The following FLI1 variants were observed in gnomAD, a reference collection of about 807,000 sequenced individuals.
FLI1 encodes the protein Friend leukemia integration 1 transcription factor.
A neutral mutation model predicts 53.1 loss-of-function variants in FLI1; 13 were observed. That is an observed-to-expected ratio of 0.24 (90% CI 0.16 to 0.39). The LOEUF is 0.39. Among genes scored for constraint, FLI1 ranks in the 10% least tolerant of loss-of-function variants. FLI1 has a pLI of 1.00. For missense variants in FLI1, 424 were observed against 600.5 expected, an observed-to-expected ratio of 0.71 and a Z score of 3.07; for synonymous variants, 244 against 236.7, an observed-to-expected ratio of 1.03 and a Z score of -0.28.
chr11:128,811,158 T>C lies in FLI1; in HGVS notation c.*170T>C. ...TTAAAAACATTTTTTTTAATGTTGG[T>C]AACTTTTGCTTCCTCTACCTGAACA... is the stretch of plus-strand genomic sequence containing the variant. On this transcript the variant is annotated 3_prime_UTR_variant, in exon 9 of 9. Transcript: ENST00000527786. 1 of 644,394 alleles carries C rather than the reference T, an allele frequency of 1.6e-6. No individual in the cohort carries two copies. Among genetic ancestry groups the C allele is most frequent in the Non-Finnish European group, 2.6e-6 (1 of 378,862 alleles). 39.9% of individuals were successfully genotyped at this position (644,394 alleles called of 1,614,324 possible).
chr11:128,758,439 C>T, intron 2 of FLI1, 113 bp downstream of exon 2: 1 of 826,906 alleles, frequency 1.2e-6, no homozygotes, highest in Non-Finnish European at 2.0e-6. Context: ...TAGAGCTGGG[C>T]CAGGAAGCCT....
At chr11:128,713,580 G>C (rs1480092720) in intron 1 of FLI1, among the ~76,000 whole-genome samples, 1 of 151,284 alleles carries the variant, frequency 6.6e-6, no homozygotes, top group Non-Finnish European at 1.5e-5. Flanking sequence ...AAGCAGACAG[G>C]TATAGTTCCT....
At chr11:128,752,430 G>A (rs1041384629) in intron 1 of FLI1, among the ~76,000 whole-genome samples, 24 of 152,192 alleles carry the variant, frequency 1.6e-4, no homozygotes, top group African/African-American at 5.5e-4. Flanking sequence ...CTTGGAAATT[G>A]TACTAGATGC....
At chr11:128,791,000 G>A (rs1942254190) in intron 5 of FLI1, among the ~76,000 whole-genome samples, 1 of 151,918 alleles carries the variant, frequency 6.6e-6, no homozygotes, top group Non-Finnish European at 1.5e-5. Flanking sequence ...CCTGGGAACA[G>A]GGCCATCCTG....
chr11:128,768,613 G>A lies in FLI1; in HGVS notation c.385+341G>A, dbSNP rs565271062. 1.6e-4 allele frequency: 40 copies of A among 246,098 alleles called. No homozygotes were observed. In the East Asian group the frequency reaches 2.8e-3, roughly 17 times the overall value. The allele number at this position is 246,098 out of a possible 1,614,324, so 15.2% of individuals were successfully genotyped here. A position where few individuals can be genotyped will look rare whatever the true frequency, so the allele number is the denominator to read the frequency against. Reference sequence around the variant, plus strand: ...CTGAAGCAGGAGACTCGCTTTAACCGGGAAGGCGGAGGTTGCAGGGAGCCA... The same window carrying A: ...CTGAAGCAGGAGACTCGCTTTAACCAGGAAGGCGGAGGTTGCAGGGAGCCA... On this transcript the variant is annotated intron_variant, in intron 3 of 8. Coordinates refer to ENST00000527786, the MANE Select transcript of FLI1 (RefSeq NM_002017.5).
At chr11:128,720,488 C>T (rs1939206948) in intron 1 of FLI1, among the ~76,000 whole-genome samples, 1 of 152,096 alleles carries the variant, frequency 6.6e-6, no homozygotes, top group Admixed American at 6.5e-5. Flanking sequence ...GTCATAAAAC[C>T]AGAAACACTG....
At chr11:128,689,407 T>C (rs1937650334), upstream of FLI1, among the ~76,000 whole-genome samples, 1 of 152,142 alleles carries the variant, frequency 6.6e-6, no homozygotes, top group Admixed American at 6.5e-5. Context: ...TCTCCTTGTG[T>C]ACCCCCCAGG....
At chr11:128,764,704 C>T (rs984791855) in intron 2 of FLI1, 12 of 1,549,268 alleles carry the variant, frequency 7.7e-6, no homozygotes, top group Admixed American at 1.9e-5. Flanking sequence ...CACCTGTACC[C>T]ACCCTGAGCG....
chr11:128,694,977 C>A (rs951796223), intron 1 of FLI1, among the ~76,000 whole-genome samples: 14 of 152,264 alleles, frequency 9.2e-5, no homozygotes, highest in African/African-American at 2.6e-4. Context: ...TTCCCCAGCC[C>A]CCGTCCGCAC....
intron 1 of FLI1, among the ~76,000 whole-genome samples, chr11:128,737,156 C>G (rs940030053): frequency 2.6e-5 from 4 of 152,114 alleles, no homozygotes; most frequent in Non-Finnish European, 5.9e-5. Flanking sequence ...ATCCAGCTAG[C>G]TACATGGAAG....
intron 2 of FLI1, among the ~76,000 whole-genome samples, chr11:128,764,206 A>G (rs1941241778): frequency 6.6e-6 from 1 of 152,134 alleles, no homozygotes; most frequent in South Asian, 2.1e-4. Flanking sequence ...AGTCTTTGAA[A>G]TCTCCCTTCA....
chr11:128,764,726 G>T, intron 2 of FLI1: 1 of 1,567,450 alleles, frequency 6.4e-7, no homozygotes, highest in East Asian at 2.3e-5. Context: ...CAGCCGTGGA[G>T]CCCCATGGCC....
At chr11:128,781,684 T>C (rs1941919808) in intron 4 of FLI1, among the ~76,000 whole-genome samples, 1 of 152,194 alleles carries the variant, frequency 6.6e-6, no homozygotes, top group Admixed American at 6.5e-5. Context: ...TTCAGAACTA[T>C]GAATATGGCA....
rs140819305 is a variant in FLI1, at chr11:128,766,559, G to A, written c.231-1559G>A. On this transcript the variant is annotated intron_variant, in intron 2 of 8. Coordinates refer to ENST00000527786, the MANE Select transcript of FLI1 (RefSeq NM_002017.5). ...GATCTTCAATATTTTTTTCCTTTCA[G>A]ATTAAGAAACAAATTCATTTAATTT... Among the ~76,000 whole-genome samples the A allele has an allele frequency of 9.9e-3, 1,509 of 152,086 alleles. 33 individuals carry two copies. Among genetic ancestry groups the A allele is most frequent in the African/African-American group, 0.034 (1,429 of 41,468 alleles).
chr11:128,764,810 C>T (rs369618104), intron 2 of FLI1: 457 of 1,592,396 alleles, frequency 2.9e-4, no homozygotes, highest in Admixed American at 6.0e-4. Context: ...GACTGGCAGG[C>T]GAGCGGGCGA....
chr11:128,783,210 G>A (rs1163563632), intron 5 of FLI1, among the ~76,000 whole-genome samples: 3 of 152,290 alleles, frequency 2.0e-5, no homozygotes, highest in East Asian at 1.9e-4. Flanking sequence ...GAGAAACAAA[G>A]GCTCTTCTAA....
rs756526458 is a variant in FLI1 at position 128,772,822 on chromosome 11, G to A, written c.426G>A (p.Leu142=). The change falls in exon 4 of 9, where the codon CTG becomes CTA. Residue 142 remains leucine (L), a synonymous_variant. Transcript: ENST00000527786. ...LWTQEHVRQW[L]EWAIKEYSLM... ...CACAGGAGCATGTGAGGCAATGGCT[G>A]GAGTGGGCCATAAAGGAGTACAGCT... 6.2e-7 allele frequency: 1 copy of A among 1,614,030 alleles called. No individual in the cohort carries two copies. Among genetic ancestry groups the A allele is most frequent in the South Asian group, 1.1e-5 (1 of 91,086 alleles).
intron 1 of FLI1, 76 bp from the exon 2 acceptor site, chr11:128,758,038 GC>G: frequency 7.4e-7 from 1 of 1,343,140 alleles, no homozygotes; most frequent in Non-Finnish European, 1.0e-6. Context: ...GGGCCACCTT[GC>G]CAGCTCAAAG....
At chr11:128,722,821 C>T (rs1440420553) in intron 1 of FLI1, among the ~76,000 whole-genome samples, 2 of 152,132 alleles carry the variant, frequency 1.3e-5, no homozygotes, top group Non-Finnish European at 2.9e-5. Flanking sequence ...ATTCTCCTAT[C>T]GAGCTCTGGG....
Sources: allele counts gnomAD v4.1 joint callset (sites outside exome capture counted in the v4.1 genomes callset), GRCh38; gene constraint gnomAD v4.1.1; transcripts MANE v1.5; gene names NCBI Gene and HGNC (gene_info 2026-07-23, HGNC 2026-07-21).